Variants in GRM5 observed in about 807,000 individuals in gnomAD.
GRM5 encodes the protein metabotropic glutamate receptor 5.
In GRM5, 19 loss-of-function variants were observed where a neutral mutation model predicts 83.1. The ratio of observed to expected loss-of-function variants is 0.23; its 90% CI spans 0.16 to 0.34. The LOEUF (loss-of-function observed/expected upper bound fraction) is 0.34, where lower values mean the gene tolerates loss of function less well. Among genes scored for constraint, GRM5 ranks in the 10% least tolerant of loss-of-function variants. The pLI is 1.00. For synonymous variants in GRM5, 675 were observed against 633.6 expected, an observed-to-expected ratio of 1.07 and a Z score of -0.98; for missense variants, 1,160 against 1,588.3, an observed-to-expected ratio of 0.73 and a Z score of 4.58.
chr11:88,850,254 G>A (rs1259949376), intron 2 of GRM5, 99 bp from the exon 3 acceptor site: 2 of 766,446 alleles, frequency 2.6e-6, no homozygotes, highest in Non-Finnish European at 4.3e-6. Context: ...GAAAGTCATT[G>A]GTATGGGACT....
At chr11:88,893,772 G>C (rs1945185438) in intron 2 of GRM5, among the ~76,000 whole-genome samples, 1 of 151,916 alleles carries the variant, frequency 6.6e-6, no homozygotes, top group Non-Finnish European at 1.5e-5. Flanking sequence ...CCTAGCTGCT[G>C]TTCCCCACAT....
rs76853969 is a variant in GRM5, at chr11:88,590,575, T to C, written c.1690+26A>G. ...TCTGCACCATTTTTCAGTTAATTTATATGTGGTGAGATTGTGATAGATTAC... is the reference window on the plus strand; with the variant it reads ...TCTGCACCATTTTTCAGTTAATTTACATGTGGTGAGATTGTGATAGATTAC... On this transcript the variant is annotated intron_variant, in intron 7 of 9. Transcript: ENST00000305447. The C allele has an allele frequency of 0.027, 42,695 of 1,601,366 alleles. 3,712 individuals are homozygous for C. In the African/African-American group the frequency reaches 0.3, roughly 11 times the overall value.
At position 88,990,960 on chromosome 11, in the gene GRM5, A is replaced by G. The variant is rs572074015; in HGVS notation, c.661+56252T>C. Among the ~76,000 whole-genome samples, 38 of 152,250 alleles carry G rather than the reference A, an allele frequency of 2.5e-4. 1 individual carries two copies. The East Asian group carries it at 5.2e-3, about 21-fold the overall frequency. ...CCCTTTGAAAACTGGCACAAGACAG[A>G]GATGCCCTCTCTCACCACTCCTATT... On this transcript the variant is annotated intron_variant, in intron 2 of 9. Coordinates refer to ENST00000305447, the MANE Select transcript of GRM5 (RefSeq NM_001143831.3).
intron 9 of GRM5, among the ~76,000 whole-genome samples, chr11:88,517,088 T>C (rs1468994376): frequency 6.6e-6 from 1 of 151,700 alleles, no homozygotes; most frequent in Non-Finnish European, 1.5e-5. Context: ...TCCTGATTAA[T>C]GTTTACTTTT....
At chr11:89,053,440 C>T (rs1174529248) in intron 1 of GRM5, among the ~76,000 whole-genome samples, 1 of 152,056 alleles carries the variant, frequency 6.6e-6, no homozygotes, top group Non-Finnish European at 1.5e-5. Context: ...ACAAGAAATA[C>T]ATAGAGTATA....
chr11:88,975,409 C>T (rs2135012638), intron 2 of GRM5, among the ~76,000 whole-genome samples: 2 of 152,264 alleles, frequency 1.3e-5, no homozygotes, highest in South Asian at 2.1e-4. Context: ...TGTTAAAACA[C>T]AGATTTTCAG....
intron 3 of GRM5, among the ~76,000 whole-genome samples, chr11:88,825,366 C>A (rs1175283994): frequency 6.6e-6 from 1 of 152,050 alleles, no homozygotes; most frequent in East Asian, 1.9e-4. Flanking sequence ...TTATCAGTTG[C>A]CTTCAGTTTT....
In GRM5 at chr11:88,818,554, A is replaced by G. The variant is rs142805819; in HGVS notation, c.911+31352T>C. ...AATGTAGGACTGCTTTGATACTTGT[A>G]TAATTTTCTTATTATTTTTAAACAC... On this transcript the variant is annotated intron_variant, in intron 3 of 9. Transcript: ENST00000305447. Among the ~76,000 whole-genome samples the G allele has an allele frequency of 1.9e-4, 29 of 152,264 alleles. No individual in the cohort carries two copies. In the East Asian group the frequency reaches 5.4e-3, roughly 28 times the overall value.
At chr11:88,864,272 T>C (rs10831537) in intron 2 of GRM5, among the ~76,000 whole-genome samples, 66,508 of 150,298 alleles carry the variant, frequency 0.44, 14,949 homozygotes, top group East Asian at 0.57. Context: ...AAGAGGTTTC[T>C]GAAGGCAGGT....
At chr11:88,540,986 G>A (rs1163459263) in intron 8 of GRM5, among the ~76,000 whole-genome samples, 3 of 151,996 alleles carry the variant, frequency 2.0e-5, no homozygotes, top group South Asian at 2.1e-4. Context: ...TCCTGACCTT[G>A]TGATCCGCCC....
intron 3 of GRM5, among the ~76,000 whole-genome samples, chr11:88,702,336 G>A (rs774420806): frequency 1.4e-4 from 21 of 152,066 alleles, no homozygotes; most frequent in Non-Finnish European, 1.5e-4. Flanking sequence ...CAGCTCAAGA[G>A]TTTCAAATGG....
chr11:88,603,187 G>A (rs1016741141), intron 5 of GRM5, among the ~76,000 whole-genome samples: 1 of 152,218 alleles, frequency 6.6e-6, no homozygotes, highest in African/African-American at 2.4e-5. Flanking sequence ...GGATGATTAT[G>A]AATAAGGTAG....
intron 2 of GRM5, among the ~76,000 whole-genome samples, chr11:88,963,555 T>C (rs1274931594): frequency 6.6e-6 from 1 of 152,224 alleles, no homozygotes; most frequent in Non-Finnish European, 1.5e-5. Context: ...TGTTGGACCA[T>C]GTAGATAAAG....
chr11:88,952,716 G>C (rs1590992245), intron 2 of GRM5, among the ~76,000 whole-genome samples: 1 of 151,474 alleles, frequency 6.6e-6, no homozygotes. Flanking sequence ...CAATATGTAT[G>C]TATAGAGGAA....
intron 2 of GRM5, among the ~76,000 whole-genome samples, chr11:88,920,011 G>T (rs1219842369): frequency 6.6e-6 from 1 of 151,592 alleles, no homozygotes; most frequent in Admixed American, 6.6e-5. Flanking sequence ...TAAGGGCAAG[G>T]CACACTCAAA....
intron 4 of GRM5, chr11:88,612,820 T>C (rs1251905195): frequency 6.6e-6 from 1 of 152,312 alleles, no homozygotes; most frequent in Non-Finnish European, 1.5e-5. Context: ...TATGGAACGC[T>C]TCACAAATTT....
chr11:89,040,675 TG>T (rs1941508898), intron 2 of GRM5, among the ~76,000 whole-genome samples: 1 of 151,878 alleles, frequency 6.6e-6, no homozygotes, highest in Admixed American at 6.6e-5. Flanking sequence ...TTCTTCAGCC[TG>T]GGCAATAGAG....
rs116016477 is a variant in GRM5, at chr11:88,614,971, C to T, written c.1148-10007G>A. 7.6e-3 allele frequency among the ~76,000 whole-genome samples: 1,156 copies of T among 152,152 alleles called. 17 individuals are homozygous for T. Among genetic ancestry groups the T allele is most frequent in the African/African-American group, 0.027 (1,114 of 41,512 alleles). On this transcript the variant is annotated intron_variant, in intron 4 of 9. Transcript: ENST00000305447. ...TAAACTTAGGGAAAACAAATGGCAA[C>T]GATATTGAATTTTTCCTACACAGTT...
At chr11:88,649,311 T>G (rs1939564435) in intron 4 of GRM5, among the ~76,000 whole-genome samples, 1 of 139,856 alleles carries the variant, frequency 7.2e-6, no homozygotes, top group Non-Finnish European at 1.5e-5. Flanking sequence ...ATACATTACA[T>G]ATTACATATA....
Sources: gnomAD v4.1 joint callset for allele counts (sites outside exome capture counted in the v4.1 genomes callset) on GRCh38, gnomAD v4.1.1 for gene constraint, MANE v1.5 for transcripts, NCBI Gene and HGNC (gene_info 2026-07-23, HGNC 2026-07-21) for gene names.